AP3S1: variants seen among roughly 807,000 people sequenced by gnomAD.
AP3S1 encodes adaptor related protein complex 3 subunit sigma 1.
AP3S1 carries 12 observed loss-of-function variants against 21.3 expected under a neutral mutation model. That is an observed-to-expected ratio of 0.56 (90% CI 0.36 to 0.91). The LOEUF is 0.91. AP3S1 is among the 40% of genes least tolerant of loss of function. The probability of loss-of-function intolerance (pLI) is 0.01; values close to 1 mark genes in which losing one functional copy is unlikely to be tolerated. For missense variants in AP3S1, 116 were observed against 225.0 expected (o/e 0.52, Z 3.10); for synonymous variants, 48 against 78.4 (o/e 0.61, Z 2.05).
intron 3 of AP3S1, among the ~76,000 whole-genome samples, chr5:115,886,178 G>C (rs1332006899): frequency 6.6e-6 from 1 of 152,076 alleles, no homozygotes; most frequent in South Asian, 2.1e-4. Flanking sequence ...TACTGCAAAG[G>C]CTCAAATAAA....
At chr5:115,845,970 T>G (rs987263907) in intron 1 of AP3S1, among the ~76,000 whole-genome samples, 2 of 152,002 alleles carry the variant, frequency 1.3e-5, no homozygotes, top group Non-Finnish European at 2.9e-5. Context: ...TTGGTTTGTC[T>G]TTTTAAGTTG....
chr5:115,902,177 T>A (rs1277742939), intron 4 of AP3S1, among the ~76,000 whole-genome samples: 1 of 152,194 alleles, frequency 6.6e-6, no homozygotes, highest in East Asian at 1.9e-4. Flanking sequence ...TTTAAAAAAA[T>A]TATAGCAGAA....
intron 5 of AP3S1, among the ~76,000 whole-genome samples, chr5:115,913,161 C>G (rs1489164958): frequency 6.6e-6 from 1 of 152,092 alleles, no homozygotes; most frequent in Non-Finnish European, 1.5e-5. Flanking sequence ...CATGTGTTCA[C>G]TGTATTTTTT....
At chr5:115,853,084 C>G (rs1253192714) in intron 1 of AP3S1, 2 of 438,956 alleles carry the variant, frequency 4.6e-6, no homozygotes, top group Non-Finnish European at 9.1e-6. Flanking sequence ...ATTTTACATT[C>G]CCACCAACAA....
intron 3 of AP3S1, among the ~76,000 whole-genome samples, chr5:115,881,924 G>C (rs891059719): frequency 6.6e-6 from 1 of 151,232 alleles, no homozygotes; most frequent in Non-Finnish European, 1.5e-5. Context: ...CTCTAATCTT[G>C]TCTCCAAGCT....
chr5:115,861,247 G>A (rs1763158241), intron 1 of AP3S1, among the ~76,000 whole-genome samples: 1 of 152,208 alleles, frequency 6.6e-6, no homozygotes, highest in African/African-American at 2.4e-5. Context: ...ATGGAGTGTG[G>A]AAGTTGTTCC....
intron 5 of AP3S1, among the ~76,000 whole-genome samples, chr5:115,911,601 C>A (rs1309925632): frequency 6.6e-6 from 1 of 152,056 alleles, no homozygotes; most frequent in Non-Finnish European, 1.5e-5. Context: ...AGACAACATA[C>A]TTCCTGGTAA....
At chr5:115,878,065 A>C (rs1748891494) in intron 3 of AP3S1, among the ~76,000 whole-genome samples, 1 of 151,990 alleles carries the variant, frequency 6.6e-6, no homozygotes, top group African/African-American at 2.4e-5. Context: ...TTTCCTTGTA[A>C]ATTTGTTTAA....
chr5:115,867,813 C>A (rs1024495303), intron 2 of AP3S1, among the ~76,000 whole-genome samples: 2 of 152,168 alleles, frequency 1.3e-5, no homozygotes, highest in African/African-American at 2.4e-5. Flanking sequence ...AGGAAACTTA[C>A]CACCCAGCAC....
At chr5:115,880,182 T>C (rs547691157) in intron 3 of AP3S1, among the ~76,000 whole-genome samples, 2 of 152,186 alleles carry the variant, frequency 1.3e-5, no homozygotes, top group East Asian at 3.9e-4. Context: ...TTTTGAAGGG[T>C]TTTTCATGTC....
intron 3 of AP3S1, among the ~76,000 whole-genome samples, chr5:115,873,750 C>G (rs1019978872): frequency 6.6e-6 from 1 of 152,072 alleles, no homozygotes; most frequent in Admixed American, 6.5e-5. Flanking sequence ...TGTTCATCCT[C>G]TAGTTTTTAG....
intron 2 of AP3S1, among the ~76,000 whole-genome samples, chr5:115,868,741 G>T (rs1363816905): frequency 6.6e-6 from 1 of 151,832 alleles, no homozygotes; most frequent in Non-Finnish European, 1.5e-5. Flanking sequence ...AATCAGCCAG[G>T]TGTGGTGGTG....
intron 5 of AP3S1, 55 bp downstream of exon 5, chr5:115,903,047 G>A (rs959610804): frequency 1.1e-5 from 14 of 1,275,976 alleles, no homozygotes; most frequent in South Asian, 2.5e-5. Flanking sequence ...GACAGATTAC[G>A]CATGATTTGT....
At chr5:115,888,871 C>T (rs1750023746) in intron 3 of AP3S1, among the ~76,000 whole-genome samples, 1 of 152,134 alleles carries the variant, frequency 6.6e-6, no homozygotes, top group Non-Finnish European at 1.5e-5. Context: ...CTGTGCTGGG[C>T]ACTCTATCTA....
At chr5:115,868,366 A>G (rs1383016654) in intron 2 of AP3S1, among the ~76,000 whole-genome samples, 2 of 152,142 alleles carry the variant, frequency 1.3e-5, no homozygotes, top group Non-Finnish European at 2.9e-5. Flanking sequence ...TCAGGGAACA[A>G]TTGCAGTCAT....
intron 1 of AP3S1, among the ~76,000 whole-genome samples, chr5:115,851,559 T>A (rs1301761039): frequency 6.6e-6 from 1 of 152,140 alleles, no homozygotes; most frequent in African/African-American, 2.4e-5. Context: ...TTGCATTTCT[T>A]TAGTGACTAG....
intron 1 of AP3S1, among the ~76,000 whole-genome samples, chr5:115,855,033 A>ATCTATCTATCTATCTG (rs1762703805): frequency 6.7e-6 from 1 of 148,590 alleles, no homozygotes; most frequent in African/African-American, 2.6e-5. Context: ...CTATCTATCT[A>ATCTATCTATCTATCTG]TCTATCTATC....
chr5:115,855,110 C>T (rs1762713226), intron 1 of AP3S1, among the ~76,000 whole-genome samples: 1 of 151,964 alleles, frequency 6.6e-6, no homozygotes, highest in Non-Finnish European at 1.5e-5. Flanking sequence ...AATCTCGGCT[C>T]ACTGCAACCT....
chr5:115,901,171 G>C (rs1751174161), intron 4 of AP3S1, among the ~76,000 whole-genome samples: 1 of 151,928 alleles, frequency 6.6e-6, no homozygotes, highest in Non-Finnish European at 1.5e-5. Flanking sequence ...TTGCAGAACT[G>C]CGAAAATTAA....
Sources: gnomAD v4.1 joint callset for allele counts (sites outside exome capture counted in the v4.1 genomes callset) on GRCh38, gnomAD v4.1.1 for gene constraint, MANE v1.5 for transcripts, NCBI Gene and HGNC (gene_info 2026-07-23, HGNC 2026-07-21) for gene names.